The following ATPAF2 variants were observed in gnomAD, a reference collection of about 807,000 sequenced individuals.
ATPAF2 encodes the protein ATP12 homolog.
Under a neutral mutation model 36.6 loss-of-function variants are expected in ATPAF2, and 30 were observed. The ratio of observed to expected loss-of-function variants is 0.82; its 90% confidence interval spans 0.61 to 1.11. The LOEUF is 1.11. ATPAF2 is among the 50% of genes most tolerant of loss of function. The pLI, the probability that ATPAF2 is intolerant of heterozygous loss-of-function variation, is 0.00. For missense variants in ATPAF2, 321 were observed against 372.3 expected (o/e 0.86, Z 1.13); for synonymous variants, 140 against 152.6 (o/e 0.92, Z 0.61).
At position 18,038,954 on chromosome 17, in the gene ATPAF2, C is replaced by G. The variant is rs750542423; in HGVS notation, c.60G>C (p.Ala20=). 1 of 1,612,826 alleles carries G rather than the reference C, an allele frequency of 6.2e-7. No individual in the cohort carries two copies. Among genetic ancestry groups the G allele is most frequent in the South Asian group, 1.1e-5 (1 of 91,046 alleles). ...GACTCATAGAAGCGCTGGGGCCACC[C>G]GCCGGCCGATTCAGGAGACGGCGTC... ...DGGRRLLNRP[A]GGPSASMSPG... is the part of the protein sequence containing the mutation. The change falls in exon 1 of 8, where the codon GCG becomes GCC. Residue 20 remains alanine, a synonymous_variant. Transcript: ENST00000474627.
intron 4 of ATPAF2, chr17:18,025,359 TGA>T (rs1399245941): frequency 6.2e-6 from 1 of 160,810 alleles, no homozygotes; most frequent in East Asian, 1.8e-4. Flanking sequence ...ATGAGCCAGT[TGA>T]GAGGAGCTGA....
At chr17:18,015,278 C>G (rs2044316254), downstream of ATPAF2, 1 of 152,172 alleles carries the variant, frequency 6.6e-6, no homozygotes, top group African/African-American at 2.4e-5. Context: ...ACAAAAAATG[C>G]ACACTCCACT....
chr17:18,038,010 A>C (rs2044729404), intron 1 of ATPAF2, among the ~76,000 whole-genome samples: 1 of 152,240 alleles, frequency 6.6e-6, no homozygotes, highest in African/African-American at 2.4e-5. Context: ...GTTTCTTTGT[A>C]TGTCCCTTAT....
At chr17:18,036,135 T>G (rs2044699559) in intron 1 of ATPAF2, among the ~76,000 whole-genome samples, 1 of 152,172 alleles carries the variant, frequency 6.6e-6, no homozygotes, top group African/African-American at 2.4e-5. Flanking sequence ...CTGATAACCT[T>G]CAATGGCATG....
rs2044580753 is a variant in ATPAF2 at position 18,028,554 on chromosome 17, T to C, written c.178+61A>G. ...CATGAAACCAGCTGAAGATGAAAAA[T>C]GTTCCCAACCATTCACAAAAAAAAA... On this transcript the variant is annotated intron_variant, in intron 2 of 7. Transcript: ENST00000474627. 11 of 1,549,138 alleles carry C rather than the reference T, an allele frequency of 7.1e-6. No homozygotes were observed. In the South Asian group the frequency reaches 1.3e-4, roughly 18 times the overall value.
Position 18,025,885 on chromosome 17 carries a change from GAAC to G in ATPAF2, c.422+431_422+433del, listed in dbSNP as rs2044537747. Among the ~76,000 whole-genome samples, 5 of 152,256 alleles carry G rather than the reference GAAC, an allele frequency of 3.3e-5. No homozygotes were observed. In the South Asian group the frequency reaches 1.0e-3, roughly 32 times the overall value. ...TTCTCAACTTTCCTTTGGCATCACTGAACAATTAGCCAAGAAACATAGACACAG... is the reference window on the plus strand; with the variant it reads ...TTCTCAACTTTCCTTTGGCATCACTGAATTAGCCAAGAAACATAGACACAG... On this transcript the variant is annotated intron_variant, in intron 4 of 7. Transcript: ENST00000474627.
chr17:18,028,964 C>T (rs2044588506), intron 1 of ATPAF2, among the ~76,000 whole-genome samples: 1 of 152,174 alleles, frequency 6.6e-6, no homozygotes, highest in Non-Finnish European at 1.5e-5. Context: ...ACCCTCCCCA[C>T]CACCAGTGCC....
At chr17:18,018,837 G>T in intron 7 of ATPAF2, 151 bp from the exon 8 acceptor site, 2 of 1,126,100 alleles carry the variant, frequency 1.8e-6, no homozygotes, top group Non-Finnish European at 2.6e-6. Flanking sequence ...GAGGTGGCAG[G>T]TAAGAACACC....
downstream of ATPAF2, chr17:18,016,493 G>T: frequency 1.7e-6 from 2 of 1,207,276 alleles, no homozygotes; most frequent in Non-Finnish European, 1.2e-6. Flanking sequence ...CCTCAAACTG[G>T]ATTCAGTGAA....
At chr17:18,016,036 T>G, downstream of ATPAF2, 2 of 1,611,202 alleles carry the variant, frequency 1.2e-6, no homozygotes, top group Non-Finnish European at 1.7e-6. Context: ...GACACACACT[T>G]TCTCATTGGA....
At chr17:18,027,257 T>C (rs1051709111) in intron 3 of ATPAF2, among the ~76,000 whole-genome samples, 2 of 152,002 alleles carry the variant, frequency 1.3e-5, no homozygotes, top group African/African-American at 4.8e-5. Flanking sequence ...AGACTTACCT[T>C]GTCAATAATA....
At chr17:18,025,779 T>G in intron 4 of ATPAF2, 1 of 197,636 alleles carries the variant, frequency 5.1e-6, no homozygotes, top group Non-Finnish European at 1.1e-5. Context: ...CAGTGCTGAC[T>G]TCCTGTGTCA....
chr17:18,035,270 A>T lies in ATPAF2; in HGVS notation c.133+3611T>A, dbSNP rs548095909. On this transcript the variant is annotated intron_variant, in intron 1 of 7. Transcript: ENST00000474627. ...ACAAAAAAAACCCAAACTTTAAAAC[A>T]TTATGCTAAGTGAAAAAGTCAGTCA... is the stretch of plus-strand genomic sequence containing the variant. Among the ~76,000 whole-genome samples the T allele has an allele frequency of 3.3e-5, 5 of 152,244 alleles. No individual in the cohort carries two copies. The South Asian group carries it at 1.0e-3, about 32-fold the overall frequency.
chr17:18,038,678 G>A (rs983640261), intron 1 of ATPAF2, among the ~76,000 whole-genome samples: 1 of 152,208 alleles, frequency 6.6e-6, no homozygotes, highest in African/African-American at 2.4e-5. Flanking sequence ...ATCAATTACT[G>A]TATCGTGCGT....
At chr17:18,015,832 A>T, downstream of ATPAF2, 4 of 478,184 alleles carry the variant, frequency 8.4e-6, no homozygotes, top group Non-Finnish European at 1.5e-5. Flanking sequence ...CTGCAAAGTA[A>T]CACCCTGGTT....
At chr17:18,024,585 G>A (rs762264139) in intron 5 of ATPAF2, 39 bp downstream of exon 5, 1 of 1,554,574 alleles carries the variant, frequency 6.4e-7, no homozygotes, top group East Asian at 2.2e-5. Context: ...CCAAACGCAG[G>A]TGCCCAGTCA....
chr17:18,019,147 C>CACACA (rs1555634109), intron 7 of ATPAF2, among the ~76,000 whole-genome samples: 5 of 135,570 alleles, frequency 3.7e-5, no homozygotes, highest in African/African-American at 1.4e-4. Context: ...CTCAAAAACA[C>CACACA]CACACACACA....
Position 18,018,607 on chromosome 17 carries a change from A to G in ATPAF2, c.812T>C (p.Leu271Pro). Residue 271 changes from leucine to proline, a missense_variant, in exon 8 of 8, where the codon CTC becomes CCC. This residue lies in a region of ATPAF2 where 199 missense variants were observed against 220.6 expected (regional missense o/e 0.90). Transcript: ENST00000474627. ...GCTCTCGGAGCAGAGATGGATGAAG[A>G]GGGTGCCGGCGGCGGTGCGGGCCCG... is the stretch of plus-strand genomic sequence containing the variant. The part of the protein sequence containing the change: ...ELRARTAAGT[L>P]FIHLCSESTT... The G allele has an allele frequency of 7.4e-6, 12 of 1,613,972 alleles. No homozygotes were observed. The highest frequency in any genetic ancestry group is 1.0e-5 in the Non-Finnish European group (12 of 1,180,018).
intron 5 of ATPAF2, among the ~76,000 whole-genome samples, chr17:18,023,188 T>C (rs2044496397): frequency 6.8e-6 from 1 of 147,932 alleles, no homozygotes. Context: ...TCCCAGCACT[T>C]CAGGAGAATG....
Sources: allele counts gnomAD v4.1 joint callset (sites outside exome capture counted in the v4.1 genomes callset), GRCh38; gene constraint gnomAD v4.1.1; regional missense constraint gnomAD v4.1.1; transcripts MANE v1.5; gene names NCBI Gene and HGNC (gene_info 2026-07-23, HGNC 2026-07-21).